PDK3: variants seen among roughly 807,000 people sequenced by gnomAD.
The protein encoded by PDK3 is pyruvate dehydrogenase kinase 3, also known as pyruvate dehydrogenase kinase, isozyme 3.
A neutral mutation model predicts 32.0 loss-of-function variants in PDK3; 12 were observed. The ratio of observed to expected loss-of-function variants is 0.37; its 90% CI spans 0.24 to 0.61. The LOEUF (loss-of-function observed/expected upper bound fraction) is 0.61. Ranked by LOEUF, PDK3 falls within the 20% of genes least tolerant of loss-of-function variation. The pLI, the probability that PDK3 is intolerant of heterozygous loss-of-function variation, is 0.65. For missense variants in PDK3, 188 were observed against 316.9 expected (o/e 0.59, Z 3.09); for synonymous variants, 122 against 116.3 (o/e 1.05, Z -0.31).
intron 1 of PDK3, among the ~76,000 whole-genome samples, chrX:24,479,319 G>C (rs1422133712): frequency 2.7e-5 from 3 of 112,140 alleles, no homozygotes; most frequent in Non-Finnish European, 5.6e-5. Context: ...GAAGCTGCTT[G>C]TCTCAGGGAG....
At chrX:24,522,432 A>G (rs937739934) in intron 6 of PDK3, among the ~76,000 whole-genome samples, 2 of 111,791 alleles carry the variant, frequency 1.8e-5, no homozygotes, top group African/African-American at 6.5e-5. Flanking sequence ...GATGGCTCCT[A>G]GAGAATGTTG....
At chrX:24,525,159 AAAAT>A (rs1451815112) in intron 6 of PDK3, among the ~76,000 whole-genome samples, 10 of 111,610 alleles carry the variant, frequency 9.0e-5, no homozygotes, top group Admixed American at 9.5e-5. Context: ...TCTGTCTCAA[AAAAT>A]AAATAAATAA....
intron 1 of PDK3, among the ~76,000 whole-genome samples, chrX:24,479,946 G>A (rs974004489): frequency 8.9e-6 from 1 of 111,831 alleles, no homozygotes; most frequent in African/African-American, 3.3e-5. Context: ...AGTTCTGAGC[G>A]GGTAAGAAGA....
intron 1 of PDK3, among the ~76,000 whole-genome samples, chrX:24,472,675 CTTTTTTTT>C (rs761538432): frequency 1.2e-4 from 6 of 49,701 alleles, no homozygotes; most frequent in African/African-American, 5.4e-4. Flanking sequence ...TTCTTTCTTT[CTTTTTTTT>C]TTTTTTTTTT....
At chrX:24,474,048 C>T (rs1014798993) in intron 1 of PDK3, among the ~76,000 whole-genome samples, 2 of 112,134 alleles carry the variant, frequency 1.8e-5, no homozygotes, top group African/African-American at 6.5e-5. Flanking sequence ...CTTTCAGTCT[C>T]GCCCTGTCGG....
At chrX:24,547,036 TC>T (rs752977920) in exon 12 of PDK3, 191 of 112,534 alleles carry the variant, frequency 1.7e-3, no homozygotes, top group African/African-American at 5.0e-3. Context: ...TGACTTCAGT[TC>T]TCTCCATCCT....
exon 12 of PDK3, chrX:24,546,550 A>G (rs1174124614): frequency 3.7e-5 from 4 of 109,377 alleles, no homozygotes; most frequent in Non-Finnish European, 1.9e-5. Context: ...AGAATTCCTG[A>G]GAAACCTCTG....
chrX:24,545,234 A>ACTGTGCCACAGGTTTTCTTAC (rs1922972630), exon 12 of PDK3, among the ~76,000 whole-genome samples: 1 of 111,870 alleles, frequency 8.9e-6, no homozygotes, highest in Non-Finnish European at 1.9e-5. Flanking sequence ...TGACACCTTA[A>ACTGTGCCACAGGTTTTCTTAC]CTGTGCCACA....
chrX:24,532,124 G>A (rs999743796), intron 10 of PDK3, among the ~76,000 whole-genome samples: 1 of 110,784 alleles, frequency 9.0e-6, no homozygotes, highest in African/African-American at 3.3e-5. Flanking sequence ...AAAATTAGCT[G>A]ATGTGGTGGT....
chrX:24,540,465 T>C (rs1332526811), exon 12 of PDK3, among the ~76,000 whole-genome samples: 1 of 112,354 alleles, frequency 8.9e-6, no homozygotes, highest in Non-Finnish European at 1.9e-5. Context: ...AGTCATATGA[T>C]AGTACCGATG....
At chrX:24,520,446 T>G (rs1241219865) in intron 6 of PDK3, among the ~76,000 whole-genome samples, 1 of 111,716 alleles carries the variant, frequency 9.0e-6, no homozygotes, top group East Asian at 2.8e-4. Flanking sequence ...AGTAGTGGAG[T>G]TCATTGGAAA....
chrX:24,483,133 T>G (rs181080927), intron 1 of PDK3, among the ~76,000 whole-genome samples: 70 of 112,615 alleles, frequency 6.2e-4, no homozygotes, highest in Middle Eastern at 4.6e-3. Flanking sequence ...AAACTGATCA[T>G]TTTCCAAGAA....
rs147766376 is a variant in PDK3, at chrX:24,504,652, A to G, written c.506-557A>G. The stretch of plus-strand genomic sequence containing the variant: ...GGCTTCTTTTGGCTTTTATTCAGAA[A>G]CAAAATTTTGCAAATCTTGTATATT... On this transcript the variant is annotated intron_variant, in intron 4 of 10. Coordinates refer to ENST00000379162, the MANE Select transcript of PDK3 (RefSeq NM_005391.5). Among the ~76,000 whole-genome samples the G allele has an allele frequency of 2.2e-3, 244 of 112,174 alleles. 6 individuals are homozygous for G. In the East Asian group the frequency reaches 0.042, roughly 19 times the overall value.
chrX:24,508,577 AG>A (rs1178917872), intron 5 of PDK3, among the ~76,000 whole-genome samples: 9 of 111,374 alleles, frequency 8.1e-5, no homozygotes, highest in African/African-American at 2.6e-4. Flanking sequence ...AGTGAGTCAG[AG>A]GTGTCAGAGT....
Position 24,534,148 on chromosome X carries a change from C to T in PDK3, c.*76C>T. 1 of 1,092,192 alleles carries T rather than the reference C, an allele frequency of 9.2e-7. No individual in the cohort carries two copies. The highest frequency in any genetic ancestry group is 3.2e-5 in the East Asian group (1 of 31,504). The allele number at this position is 1,092,192 out of a possible 1,213,427, so 90.0% of individuals were successfully genotyped here. A position where few individuals can be genotyped will look rare whatever the true frequency, so the allele number is the denominator to read the frequency against. On this transcript the variant is annotated 3_prime_UTR_variant, in exon 11 of 11. Transcript: ENST00000379162. ...TGTCCCACTCACTGTTCCAGGAATT[C>T]TTGCAGTGTAGAGGTATTCACAACA...
chrX:24,472,675 C>CTTT (rs761538432), intron 1 of PDK3, among the ~76,000 whole-genome samples: 39 of 49,697 alleles, frequency 7.8e-4, no homozygotes, highest in African/African-American at 1.3e-3. Context: ...TTCTTTCTTT[C>CTTT]TTTTTTTTTT....
chrX:24,484,687 G>A lies in PDK3; in HGVS notation c.107-10055G>A, dbSNP rs975929276. 4.5e-5 allele frequency among the ~76,000 whole-genome samples: 5 copies of A among 112,024 alleles called. No homozygotes were observed. The East Asian group carries it at 1.1e-3, about 25-fold the overall frequency. Reference sequence around the variant, plus strand: ...AAAATCATTACATGAAGGGTACCACGGGTGTCAGACCCCATTAGGAAGCTC... The same window carrying A: ...AAAATCATTACATGAAGGGTACCACAGGTGTCAGACCCCATTAGGAAGCTC... On this transcript the variant is annotated intron_variant, in intron 1 of 10. Coordinates refer to ENST00000379162, the MANE Select transcript of PDK3 (RefSeq NM_005391.5).
In PDK3 at chrX:24,494,863, A is replaced by G; in HGVS notation, c.228A>G (p.Ser76=). Residue 76 remains serine, a synonymous_variant, in exon 2 of 11, where the codon TCA becomes TCG. Coordinates refer to ENST00000379162, the MANE Select transcript of PDK3 (RefSeq NM_005391.5). ...CGGATAATTTACTTAACCGCCCTTC[A>G]GTGGGATTGGTTCAGAGTTGGTAAG... ...LLPDNLLNRP[S]VGLVQSWYMQ... is the part of the protein sequence containing the mutation. The G allele has an allele frequency of 1.7e-6, 2 of 1,207,564 alleles. No individual in the cohort carries two copies. The highest frequency in any genetic ancestry group is 5.9e-5 in the East Asian group (2 of 33,799).
At chrX:24,475,202 T>C (rs1051498173) in intron 1 of PDK3, among the ~76,000 whole-genome samples, 2 of 110,472 alleles carry the variant, frequency 1.8e-5, no homozygotes, top group African/African-American at 6.6e-5. Flanking sequence ...TTTTTTTCCC[T>C]GTAAGCAGTA....
Sources: gnomAD v4.1 joint callset for allele counts (sites outside exome capture counted in the v4.1 genomes callset) on GRCh38, gnomAD v4.1.1 for gene constraint, MANE v1.5 for transcripts, NCBI Gene and HGNC (gene_info 2026-07-23, HGNC 2026-07-21) for gene names.